MAML3: variants seen among roughly 807,000 people sequenced by gnomAD.
MAML3 encodes mastermind-like protein 3.
In MAML3, 27 loss-of-function variants were observed where a neutral mutation model predicts 101.9. The observed-to-expected ratio is 0.27, with a 90% CI of 0.20 to 0.37. MAML3 has a LOEUF of 0.37. MAML3 is among the 10% of genes least tolerant of loss of function. The probability of loss-of-function intolerance (pLI) is 1.00; values close to 1 mark genes in which losing one functional copy is unlikely to be tolerated. For missense variants in MAML3, 1,316 were observed against 1,444.9 expected (o/e 0.91, Z 1.45); for synonymous variants, 501 against 555.9 (o/e 0.90, Z 1.39).
intron 1 of MAML3, among the ~76,000 whole-genome samples, chr4:140,047,059 C>T (rs1727194839): frequency 6.6e-6 from 1 of 152,046 alleles, no homozygotes; most frequent in African/African-American, 2.4e-5. Context: ...GTCTGAGAGA[C>T]TGGGAGAAGG....
At chr4:140,101,555 C>A (rs1728252369) in intron 1 of MAML3, among the ~76,000 whole-genome samples, 1 of 152,154 alleles carries the variant, frequency 6.6e-6, no homozygotes, top group South Asian at 2.1e-4. Context: ...ACTCAGGAAG[C>A]CAGGAGACCC....
intron 1 of MAML3, among the ~76,000 whole-genome samples, chr4:139,986,866 G>T (rs1210249432): frequency 2.0e-5 from 3 of 152,184 alleles, no homozygotes; most frequent in Non-Finnish European, 4.4e-5. Flanking sequence ...TGGCTGATAG[G>T]TCTCAGGAGA....
intron 1 of MAML3, among the ~76,000 whole-genome samples, chr4:139,942,872 AG>A (rs1404015639): frequency 6.6e-6 from 1 of 152,206 alleles, no homozygotes; most frequent in Non-Finnish European, 1.5e-5. Flanking sequence ...TCAGGTTGAC[AG>A]GTTAATTTGG....
intron 1 of MAML3, among the ~76,000 whole-genome samples, chr4:139,974,013 T>C (rs1340517419): frequency 6.6e-6 from 1 of 152,330 alleles, no homozygotes; most frequent in Non-Finnish European, 1.5e-5. Context: ...TTAGAACATC[T>C]GTTAATTCAA....
chr4:140,070,650 T>C (rs894351706), intron 1 of MAML3, among the ~76,000 whole-genome samples: 1 of 152,176 alleles, frequency 6.6e-6, no homozygotes, highest in Non-Finnish European at 1.5e-5. Context: ...ATACTACAAA[T>C]GGCACCTATG....
At chr4:139,817,086 C>T (rs183800686) in intron 2 of MAML3, among the ~76,000 whole-genome samples, 1 of 152,154 alleles carries the variant, frequency 6.6e-6, no homozygotes, top group African/African-American at 2.4e-5. Context: ...GTCACTCTGA[C>T]TACCTTCAAT....
chr4:139,874,746 C>T (rs1010882178), intron 2 of MAML3, among the ~76,000 whole-genome samples: 4 of 151,452 alleles, frequency 2.6e-5, no homozygotes, highest in Admixed American at 6.6e-5. Flanking sequence ...AAATGCTTAA[C>T]GTAAACTAAT....
chr4:139,900,039 G>A (rs1490182529), intron 1 of MAML3, among the ~76,000 whole-genome samples: 1 of 145,798 alleles, frequency 6.9e-6, no homozygotes, highest in African/African-American at 2.5e-5. Context: ...AGTCCCAAGG[G>A]ACTACGGGGG....
At chr4:139,762,091 G>A (rs1464197797) in intron 2 of MAML3, among the ~76,000 whole-genome samples, 1 of 152,164 alleles carries the variant, frequency 6.6e-6, no homozygotes, top group Non-Finnish European at 1.5e-5. Context: ...CATGGATGAA[G>A]GACTCTTGTT....
chr4:139,789,765 T>C (rs1002797991), intron 2 of MAML3, among the ~76,000 whole-genome samples: 1 of 152,052 alleles, frequency 6.6e-6, no homozygotes, highest in Admixed American at 6.6e-5. Flanking sequence ...AATTCAAAAG[T>C]TGTTTTTTGT....
Position 139,879,604 on chromosome 4 carries a change from G to A in MAML3, c.2079+9753C>T, listed in dbSNP as rs139150287. Reference sequence around the variant, plus strand: ...GTGGTGGTAGTGGTTGGGAGAAAATGGTCGTGGTGGTGATAGTGGTTGGGA... The same window carrying A: ...GTGGTGGTAGTGGTTGGGAGAAAATAGTCGTGGTGGTGATAGTGGTTGGGA... On this transcript the variant is annotated intron_variant, in intron 2 of 4. Transcript: ENST00000509479. Among the ~76,000 whole-genome samples, 1,119 of 147,478 alleles carry A rather than the reference G, an allele frequency of 7.6e-3. 11 individuals carry two copies. The highest frequency in any genetic ancestry group is 0.026 in the African/African-American group (1,048 of 39,700).
chr4:139,823,736 G>A (rs556142189), intron 2 of MAML3, among the ~76,000 whole-genome samples: 12 of 151,282 alleles, frequency 7.9e-5, no homozygotes, highest in African/African-American at 2.9e-4. Context: ...GATGCTTAAT[G>A]TCTGCTAGAA....
At chr4:140,137,177 AC>A (rs1370472715) in intron 1 of MAML3, among the ~76,000 whole-genome samples, 1 of 152,074 alleles carries the variant, frequency 6.6e-6, no homozygotes, top group Non-Finnish European at 1.5e-5. Flanking sequence ...TTTAGTAGAG[AC>A]GGGATTTCAC....
At chr4:139,946,090 A>G (rs1733721860) in intron 1 of MAML3, among the ~76,000 whole-genome samples, 2 of 152,246 alleles carry the variant, frequency 1.3e-5, no homozygotes, top group Non-Finnish European at 2.9e-5. Context: ...TGTGAACGCT[A>G]TCGCCCCAAA....
rs1345623241 is a variant in MAML3 at position 139,720,114 on chromosome 4, T to C, written c.2626A>G (p.Thr876Ala). 2.5e-6 allele frequency: 4 copies of C among 1,614,072 alleles called. No homozygotes were observed. Among genetic ancestry groups the C allele is most frequent in the Non-Finnish European group, 3.4e-6 (4 of 1,179,892 alleles). ...TGCTGCAACATTTGGGTCATGCCTG[T>C]GCTCATATTGTACATTCCTGGTTGG... ...TSQPGMYNMS[T>A]GMTQMLQHPN... The change falls in exon 5 of 5, where the codon ACA (threonine) becomes GCA (alanine). Residue 876 changes from threonine to alanine, a missense_variant. Thr to Ala is a moderately conservative substitution (Grantham distance 58, BLOSUM62 0). Coordinates refer to ENST00000509479, the MANE Select transcript of MAML3 (RefSeq NM_018717.5).
intron 1 of MAML3, among the ~76,000 whole-genome samples, chr4:139,987,601 G>A (rs13136239): frequency 0.24 from 36,534 of 151,866 alleles, 5,636 homozygotes; most frequent in Non-Finnish European, 0.34. Flanking sequence ...TTCTCCCTGC[G>A]GTCATCTCCA....
intron 2 of MAML3, among the ~76,000 whole-genome samples, chr4:139,876,479 A>G (rs1732116875): frequency 6.6e-6 from 1 of 152,198 alleles, no homozygotes; most frequent in East Asian, 1.9e-4. Context: ...AACTAACACT[A>G]TCTACCAGGA....
chr4:139,920,066 T>C (rs1338158414), intron 1 of MAML3, among the ~76,000 whole-genome samples: 1 of 152,230 alleles, frequency 6.6e-6, no homozygotes, highest in Non-Finnish European at 1.5e-5. Flanking sequence ...TTGGTTGCGA[T>C]TATCAAATAC....
chr4:140,105,237 C>A (rs1728331187), intron 1 of MAML3, among the ~76,000 whole-genome samples: 1 of 152,212 alleles, frequency 6.6e-6, no homozygotes, highest in Admixed American at 6.5e-5. Context: ...TGTGCTAGTG[C>A]ACATTCTTGG....
Sources: gnomAD v4.1 joint callset for allele counts (sites outside exome capture counted in the v4.1 genomes callset) on GRCh38, gnomAD v4.1.1 for gene constraint, MANE v1.5 for transcripts, NCBI Gene and HGNC (gene_info 2026-07-23, HGNC 2026-07-21) for gene names.